SPAG17: variants seen among roughly 807,000 people sequenced by gnomAD.
The protein encoded by SPAG17 is sperm associated antigen 17, also known as sperm-associated antigen 17.
A neutral mutation model predicts 273.6 loss-of-function variants in SPAG17; 169 were observed. The ratio of observed to expected loss-of-function variants is 0.62; its 90% CI spans 0.55 to 0.70. The LOEUF (loss-of-function observed/expected upper bound fraction) is 0.70. SPAG17 is among the 30% of genes least tolerant of loss of function. SPAG17 has a pLI of 0.00. For missense variants in SPAG17, 2,557 were observed against 2,627.8 expected (o/e 0.97, Z 0.59); for synonymous variants, 825 against 873.2 (o/e 0.94, Z 0.97).
At chr1:118,112,086 G>A (rs936269436) in intron 4 of SPAG17, among the ~76,000 whole-genome samples, 1 of 151,970 alleles carries the variant, frequency 6.6e-6, no homozygotes, top group Non-Finnish European at 1.5e-5. Context: ...TATTTAAATA[G>A]TTAATGACTT....
chr1:118,027,750 GAACC>G (rs1373232665), intron 26 of SPAG17, among the ~76,000 whole-genome samples: 1 of 152,184 alleles, frequency 6.6e-6, no homozygotes, highest in Non-Finnish European at 1.5e-5. Context: ...GCCATGTACA[GAACC>G]AACACTATAA....
intron 3 of SPAG17, among the ~76,000 whole-genome samples, chr1:118,142,991 C>T (rs889904058): frequency 2.0e-5 from 3 of 152,110 alleles, no homozygotes; most frequent in East Asian, 1.9e-4. Flanking sequence ...CTTTCATCCT[C>T]CAAAGAAAAG....
intron 7 of SPAG17, among the ~76,000 whole-genome samples, chr1:118,096,498 G>A (rs930019269): frequency 1.3e-5 from 2 of 151,900 alleles, no homozygotes; most frequent in East Asian, 1.9e-4. Flanking sequence ...CTCCCTTAAC[G>A]CTGAAATATA....
Position 118,093,286 on chromosome 1 carries a change from A to G in SPAG17, c.1043T>C (p.Ile348Thr), listed in dbSNP as rs751606155. The G allele has an allele frequency of 2.5e-6, 4 of 1,611,994 alleles. No homozygotes were observed. Among genetic ancestry groups the G allele is most frequent in the Non-Finnish European group, 3.4e-6 (4 of 1,179,030 alleles). The change falls in exon 8 of 49, where the codon ATT (isoleucine) becomes ACT (threonine). Residue 348 changes from isoleucine (I) to threonine (T), a missense_variant. By Grantham distance (89) the Ile-to-Thr change is moderately conservative. Coordinates refer to ENST00000336338, the MANE Select transcript of SPAG17 (RefSeq NM_206996.4). ...CAGGATGTCATACATCAAGCAGGCA[A>G]TATTTTCAAAAATATCAGTGCCCAA... ...LKLGTDIFEN[I>T]ACLMYDILDW...
At chr1:118,127,726 T>C (rs1441365294) in intron 3 of SPAG17, among the ~76,000 whole-genome samples, 1 of 152,234 alleles carries the variant, frequency 6.6e-6, no homozygotes, top group Admixed American at 6.5e-5. Flanking sequence ...ATTCTTCCAA[T>C]CCATGAACAA....
chr1:117,995,815 T>C (rs1216313017), intron 34 of SPAG17, among the ~76,000 whole-genome samples: 1 of 151,894 alleles, frequency 6.6e-6, no homozygotes, highest in Non-Finnish European at 1.5e-5. Flanking sequence ...ATATTACATA[T>C]ACTGGATGGT....
At chr1:117,955,416 T>G in intron 48 of SPAG17, 2 of 1,490,384 alleles carry the variant, frequency 1.3e-6, no homozygotes, top group East Asian at 2.3e-5. Flanking sequence ...TATGAAGTGC[T>G]TATCTGAACG....
In SPAG17 at chr1:117,996,608, G is replaced by C. The variant is rs1346332175; in HGVS notation, c.4912C>G (p.His1638Asp). 1 of 1,610,856 alleles carries C rather than the reference G, an allele frequency of 6.2e-7. No individual in the cohort carries two copies. The highest frequency in any genetic ancestry group is 8.5e-7 in the Non-Finnish European group (1 of 1,178,948). ...EKNHQQIYGE[H>D]VPRFFVMYAD... is the part of the protein sequence containing the mutation. ...GTATTATTCTTTTACCTGGGGACAT[G>C]TTCACCATAGATTTGCTGATGATTC... The change falls in exon 33 of 49, where the codon CAT becomes GAT. Residue 1638 changes from histidine (H) to aspartate (D), a missense_variant. His to Asp is a moderately conservative substitution (Grantham distance 81). Coordinates refer to ENST00000336338, the MANE Select transcript of SPAG17 (RefSeq NM_206996.4).
At chr1:117,957,277 T>C (rs1181089701) in intron 48 of SPAG17, 39 of 1,473,248 alleles carry the variant, frequency 2.6e-5, no homozygotes, top group Middle Eastern at 1.8e-4. Context: ...GTCAACACTT[T>C]GGGATTAAGA....
At chr1:118,116,534 T>C (rs1353965599) in intron 3 of SPAG17, among the ~76,000 whole-genome samples, 1 of 152,178 alleles carries the variant, frequency 6.6e-6, no homozygotes, top group African/African-American at 2.4e-5. Context: ...AGCTGTGTCT[T>C]GTCTGAGCTC....
At chr1:118,069,675 G>C (rs1653375756) in intron 17 of SPAG17, among the ~76,000 whole-genome samples, 1 of 152,118 alleles carries the variant, frequency 6.6e-6, no homozygotes, top group African/African-American at 2.4e-5. Context: ...AAAAGATATG[G>C]GCATCAGCAT....
intron 1 of SPAG17, among the ~76,000 whole-genome samples, chr1:118,162,225 C>G (rs1659963598): frequency 6.6e-6 from 1 of 152,114 alleles, no homozygotes; most frequent in Non-Finnish European, 1.5e-5. Flanking sequence ...TTATTCCTCT[C>G]ATATTGATTC....
At chr1:118,132,451 C>T (rs186281205) in intron 3 of SPAG17, among the ~76,000 whole-genome samples, 120 of 152,284 alleles carry the variant, frequency 7.9e-4, no homozygotes, top group African/African-American at 2.2e-3. Flanking sequence ...TATATAATCT[C>T]TTTATGAATT....
chr1:118,130,818 T>C (rs979098357), intron 3 of SPAG17, among the ~76,000 whole-genome samples: 2 of 152,214 alleles, frequency 1.3e-5, no homozygotes, highest in African/African-American at 4.8e-5. Context: ...GTGCATATTC[T>C]ATGCTAGACA....
intron 26 of SPAG17, among the ~76,000 whole-genome samples, chr1:118,026,823 C>T (rs944043864): frequency 6.6e-5 from 10 of 152,130 alleles, no homozygotes; most frequent in Admixed American, 4.6e-4. Flanking sequence ...AGGCTCTTTC[C>T]TCTTATGCTA....
At chr1:117,971,679 ACACT>A (rs762535047) in intron 45 of SPAG17, 180 bp downstream of exon 45, 4 of 470,192 alleles carry the variant, frequency 8.5e-6, no homozygotes, top group Admixed American at 4.0e-5. Flanking sequence ...AACCCGATAA[ACACT>A]CACTGATTTG....
intron 32 of SPAG17, among the ~76,000 whole-genome samples, chr1:118,001,016 G>T (rs535806535): frequency 6.6e-6 from 1 of 152,276 alleles, no homozygotes; most frequent in East Asian, 1.9e-4. Context: ...AGTTTATTGA[G>T]AGTTTTTAGC....
intron 29 of SPAG17, among the ~76,000 whole-genome samples, chr1:118,015,276 A>AC (rs2101798361): frequency 6.6e-6 from 1 of 151,808 alleles, no homozygotes; most frequent in East Asian, 1.9e-4. Flanking sequence ...TGTGTCAAAA[A>AC]AAAAAAAAAA....
intron 1 of SPAG17, among the ~76,000 whole-genome samples, chr1:118,159,183 A>G (rs1312471432): frequency 2.0e-5 from 3 of 152,234 alleles, no homozygotes; most frequent in African/African-American, 7.2e-5. Flanking sequence ...TTTGATGTTT[A>G]GACAACACTG....
Sources: gnomAD v4.1 joint callset for allele counts (sites outside exome capture counted in the v4.1 genomes callset) on GRCh38, gnomAD v4.1.1 for gene constraint, MANE v1.5 for transcripts, NCBI Gene and HGNC (gene_info 2026-07-23, HGNC 2026-07-21) for gene names.